Variants in JDP2 observed in about 807,000 individuals in gnomAD.
The protein encoded by JDP2 is progesterone receptor co-activator.
In JDP2, 9 loss-of-function variants were observed where a neutral mutation model predicts 17.1. The observed-to-expected ratio is 0.53, with a 90% CI of 0.32 to 0.92. The LOEUF is 0.92. Among genes scored for constraint, JDP2 ranks in the 40% least tolerant of loss-of-function variants. JDP2 has a pLI of 0.04. For missense variants in JDP2, 179 were observed against 220.0 expected, an observed-to-expected ratio of 0.81 and a Z score of 1.18; for synonymous variants, 107 against 95.6, an observed-to-expected ratio of 1.12 and a Z score of -0.69.
intron 2 of JDP2, among the ~76,000 whole-genome samples, chr14:75,442,417 T>C (rs1370891317): frequency 6.6e-6 from 1 of 152,164 alleles, no homozygotes; most frequent in East Asian, 1.9e-4. Flanking sequence ...ACTGATGTCT[T>C]ACCCCCAGCC....
intron 2 of JDP2, among the ~76,000 whole-genome samples, chr14:75,459,824 G>A (rs943449954): frequency 6.6e-5 from 10 of 152,214 alleles, no homozygotes; most frequent in African/African-American, 2.4e-4. Flanking sequence ...CAGGTAGGTA[G>A]GCAAGAGGCA....
At chr14:75,438,205 G>T (rs1394483245) in intron 2 of JDP2, 84 bp downstream of exon 2, 2 of 1,105,094 alleles carry the variant, frequency 1.8e-6, no homozygotes, top group African/African-American at 3.1e-5. Flanking sequence ...TCAAAGTGTG[G>T]TCTGAGGACC....
At position 75,469,493 on chromosome 14, in the gene JDP2, G is replaced by C. The variant is rs1886724174; in HGVS notation, c.*18G>C. The C allele has an allele frequency of 6.2e-7, 1 of 1,607,290 alleles. No homozygotes were observed. The highest frequency in any genetic ancestry group is 8.5e-7 in the Non-Finnish European group (1 of 1,176,178). ...AGAAGTGACCATGGGCTGGGAGGAG[G>C]TGGAGGAGGAGGAAGAGGAGAAGGA... is the stretch of plus-strand genomic sequence containing the variant. On this transcript the variant is annotated 3_prime_UTR_variant, in exon 4 of 4. Transcript: ENST00000651602.
At chr14:75,458,675 T>C (rs1886220274) in intron 2 of JDP2, among the ~76,000 whole-genome samples, 1 of 152,178 alleles carries the variant, frequency 6.6e-6, no homozygotes, top group Non-Finnish European at 1.5e-5. Flanking sequence ...TTCCTTGGGG[T>C]ATATACTCAG....
At chr14:75,461,347 C>A in intron 2 of JDP2, 79 bp from the exon 3 acceptor site, 1 of 1,045,854 alleles carries the variant, frequency 9.6e-7, no homozygotes, top group Non-Finnish European at 1.5e-6. Flanking sequence ...GCGAAGTTGT[C>A]CCTCTGTCTA....
intron 1 of JDP2, among the ~76,000 whole-genome samples, chr14:75,431,203 C>T (rs544422219): frequency 6.6e-6 from 1 of 152,304 alleles, no homozygotes; most frequent in East Asian, 1.9e-4. Flanking sequence ...CCTCTTGCTG[C>T]CTGGGTTAAA....
intron 2 of JDP2, among the ~76,000 whole-genome samples, chr14:75,447,368 A>T (rs1420538571): frequency 6.6e-6 from 1 of 152,228 alleles, no homozygotes; most frequent in Non-Finnish European, 1.5e-5. Flanking sequence ...TGGTGTTAGT[A>T]GTATGAGTTG....
chr14:75,437,304 C>CT (rs1322788913), intron 1 of JDP2, among the ~76,000 whole-genome samples: 2 of 151,994 alleles, frequency 1.3e-5, no homozygotes, highest in African/African-American at 4.8e-5. Flanking sequence ...TCACCTTTAA[C>CT]TTAGATTTGC....
Position 75,456,727 on chromosome 14 carries a change from C to T in JDP2, c.202-4699C>T, listed in dbSNP as rs540601219. ...GTGCCTGGGGGTGAAGTTGGTTGCCCGGCCCTGCATGACCCCTCAGTCCAG... is the reference window on the plus strand; with the variant it reads ...GTGCCTGGGGGTGAAGTTGGTTGCCTGGCCCTGCATGACCCCTCAGTCCAG... On this transcript the variant is annotated intron_variant, in intron 2 of 3. Transcript: ENST00000651602. Among the ~76,000 whole-genome samples, 7 of 152,302 alleles carry T rather than the reference C, an allele frequency of 4.6e-5. No homozygotes were observed. In the East Asian group the frequency reaches 9.6e-4, roughly 21 times the overall value.
Position 75,470,563 on chromosome 14 carries a change from C to T in JDP2, c.*1088C>T, listed in dbSNP as rs1886781500. ...GCCTGTTCATTTTCACAACAGCTCT[C>T]CTATTTCACAGATGAGGAAGCTAAG... is the stretch of plus-strand genomic sequence containing the variant. On this transcript the variant is annotated 3_prime_UTR_variant, in exon 4 of 4. Transcript: ENST00000651602. 6.6e-6 allele frequency: 1 copy of T among 152,242 alleles called. No homozygotes were observed. The highest frequency in any genetic ancestry group is 2.1e-4 in the South Asian group (1 of 4,832). 9.4% of individuals were successfully genotyped at this position (152,242 alleles called of 1,614,324 possible). A position where few individuals can be genotyped will look rare whatever the true frequency, so the allele number is the denominator to read the frequency against.
intron 2 of JDP2, among the ~76,000 whole-genome samples, chr14:75,449,233 A>C (rs1011166481): frequency 6.6e-6 from 1 of 152,234 alleles, no homozygotes; most frequent in Non-Finnish European, 1.5e-5. Flanking sequence ...TTTCACCTTC[A>C]TGATGAAAGA....
At chr14:75,457,697 C>T (rs879620093) in intron 2 of JDP2, among the ~76,000 whole-genome samples, 2 of 152,216 alleles carry the variant, frequency 1.3e-5, no homozygotes, top group Non-Finnish European at 2.9e-5. Flanking sequence ...CAGCACACAC[C>T]CTAAGTTTTT....
rs1274534632 is a variant in JDP2, at chr14:75,428,358, C to CCCCAG, written c.-24+115_-24+119dup. 6.7e-6 allele frequency: 1 copy of CCCCAG among 149,704 alleles called. No individual in the cohort carries two copies. Among genetic ancestry groups the CCCCAG allele is most frequent in the African/African-American group, 2.4e-5 (1 of 41,126 alleles). The allele number at this position is 149,704 out of a possible 1,614,324, so 9.3% of individuals were successfully genotyped here. A position where few individuals can be genotyped will look rare whatever the true frequency, so the allele number is the denominator to read the frequency against. ...CCCCGCACGGGCGGAGCGCGAGGAG[C>CCCCAG]CCCAGCCCAGCCCCGCGGGGAGGCT... On this transcript the variant is annotated intron_variant, in intron 1 of 3. Coordinates refer to ENST00000651602, the MANE Select transcript of JDP2 (RefSeq NM_001135048.2). This position sits in a 1 kb window ranked among gnomAD's most constrained non-coding sequence, Gnocchi z 5.6.
rs539027731 is a variant in JDP2 at position 75,470,915 on chromosome 14, T to G, written c.*1440T>G. The G allele has an allele frequency of 6.6e-6, 1 of 152,256 alleles. No homozygotes were observed. Among genetic ancestry groups the G allele is most frequent in the Non-Finnish European group, 1.5e-5 (1 of 68,040 alleles). 9.4% of individuals were successfully genotyped at this position (152,256 alleles called of 1,614,324 possible). On this transcript the variant is annotated 3_prime_UTR_variant, in exon 4 of 4. Transcript: ENST00000651602. Reference sequence around the variant, plus strand: ...AGACTTATTTTGTGACAAGCAGACATAGTCTCTTCCCTTCTCACAAGAGCA... The same window carrying G: ...AGACTTATTTTGTGACAAGCAGACAGAGTCTCTTCCCTTCTCACAAGAGCA...
upstream of JDP2, chr14:75,427,646 G>A (rs964718665): frequency 6.5e-6 from 1 of 154,338 alleles, no homozygotes; most frequent in Non-Finnish European, 1.4e-5. This position sits in a 1 kb window ranked among gnomAD's most constrained non-coding sequence, Gnocchi z 4.4. Context: ...GGCTGCGGCT[G>A]CTGCTGCCTG....
At chr14:75,445,572 A>T (rs1885559965) in intron 2 of JDP2, 1 of 985,294 alleles carries the variant, frequency 1.0e-6, no homozygotes, top group Admixed American at 6.1e-5. Flanking sequence ...GGCTCTGGAG[A>T]GTTCACTAGA....
chr14:75,445,949 C>T (rs2139966463), intron 2 of JDP2, among the ~76,000 whole-genome samples: 1 of 152,170 alleles, frequency 6.6e-6, no homozygotes, highest in Admixed American at 6.5e-5. Context: ...AGAATGATTA[C>T]AGCTCAATAA....
chr14:75,450,565 G>T (rs556785513), intron 2 of JDP2, among the ~76,000 whole-genome samples: 1 of 152,350 alleles, frequency 6.6e-6, no homozygotes, highest in South Asian at 2.1e-4. Context: ...GCCTTCACCT[G>T]GTGGTTGGCT....
chr14:75,429,676 G>C (rs1445188224), intron 1 of JDP2, among the ~76,000 whole-genome samples: 1 of 152,172 alleles, frequency 6.6e-6, no homozygotes, highest in African/African-American at 2.4e-5. Flanking sequence ...TGTGAGCATG[G>C]CTCTGATTTT....
Sources: gnomAD v4.1 joint callset for allele counts (sites outside exome capture counted in the v4.1 genomes callset) on GRCh38, gnomAD v4.1.1 for gene constraint, Gnocchi (gnomAD v3.1) non-coding constraint, MANE v1.5 for transcripts, NCBI Gene and HGNC (gene_info 2026-07-23, HGNC 2026-07-21) for gene names.